FSTL4: variants seen among roughly 807,000 people sequenced by gnomAD.
The protein encoded by FSTL4 is follistatin-related protein 4.
FSTL4 carries 28 observed loss-of-function variants against 78.2 expected under a neutral mutation model. That is an observed-to-expected ratio of 0.36 (90% CI 0.27 to 0.49). The LOEUF is 0.49. FSTL4 is among the 20% of genes least tolerant of loss of function. The pLI is 0.98. For missense variants in FSTL4, 922 were observed against 1,084.9 expected, an observed-to-expected ratio of 0.85 and a Z score of 2.11; for synonymous variants, 422 against 440.5, an observed-to-expected ratio of 0.96 and a Z score of 0.53.
the FSTL4 span, among the ~76,000 whole-genome samples, chr5:133,810,076 A>G: frequency 6.6e-6 from 1 of 152,262 alleles, no homozygotes; most frequent in Non-Finnish European, 1.5e-5. Flanking sequence ...AAAGACTGCC[A>G]CATGTGCCAC....
At chr5:133,697,999 G>T in the FSTL4 span, among the ~76,000 whole-genome samples, 5 of 152,206 alleles carry the variant, frequency 3.3e-5, no homozygotes, top group African/African-American at 1.2e-4. Flanking sequence ...TTGGGTTCTA[G>T]CATTTTCTGG....
chr5:133,505,618 G>T (rs1223080214), intron 3 of FSTL4, among the ~76,000 whole-genome samples: 2 of 152,228 alleles, frequency 1.3e-5, no homozygotes, highest in African/African-American at 2.4e-5. Flanking sequence ...CCACTGGGAT[G>T]AAGATATTTT....
At chr5:133,357,690 C>T (rs1249746913) in intron 4 of FSTL4, among the ~76,000 whole-genome samples, 1 of 152,166 alleles carries the variant, frequency 6.6e-6, no homozygotes, top group Non-Finnish European at 1.5e-5. Flanking sequence ...TCTGCAGACC[C>T]AGGTTTCTTG....
chr5:133,511,528 G>A (rs1490393861), intron 3 of FSTL4, among the ~76,000 whole-genome samples: 1 of 152,174 alleles, frequency 6.6e-6, no homozygotes, highest in Non-Finnish European at 1.5e-5. Flanking sequence ...TCTAACTGGA[G>A]CAAGGGGCAC....
In FSTL4 at chr5:133,236,155, C is replaced by T. The variant is rs969576305; in HGVS notation, c.895-2618G>A. Among the ~76,000 whole-genome samples the T allele has an allele frequency of 6.6e-6, 1 of 152,174 alleles. No homozygotes were observed. The highest frequency in any genetic ancestry group is 1.5e-5 in the Non-Finnish European group (1 of 68,032). On this transcript the variant is annotated intron_variant, in intron 7 of 15. Coordinates refer to ENST00000265342, the MANE Select transcript of FSTL4 (RefSeq NM_015082.2). This position sits in a 1 kb window ranked among gnomAD's most constrained non-coding sequence, Gnocchi z 5.0. ...CTGCCTTCCTGAGCCTTCACATCCA[C>T]AGCCCCTTCTCATGATGGCCCTTGA... is the stretch of plus-strand genomic sequence containing the variant.
At chr5:133,447,022 GA>G (rs1193896678) in intron 3 of FSTL4, among the ~76,000 whole-genome samples, 2 of 152,294 alleles carry the variant, frequency 1.3e-5, no homozygotes, top group East Asian at 3.9e-4. Flanking sequence ...AGCTCTTCAG[GA>G]CCCAGGAGAC....
At chr5:133,235,373 C>A (rs184139943) in intron 7 of FSTL4, among the ~76,000 whole-genome samples, 1 of 151,908 alleles carries the variant, frequency 6.6e-6, no homozygotes, top group Non-Finnish European at 1.5e-5. Context: ...GAGGCGGGCG[C>A]CTGTAGTCCC....
At chr5:133,528,206 A>G (rs1759175379) in intron 3 of FSTL4, among the ~76,000 whole-genome samples, 1 of 152,072 alleles carries the variant, frequency 6.6e-6, no homozygotes, top group African/African-American at 2.4e-5. Flanking sequence ...CAAAGGGGGG[A>G]TTTCCCACAG....
Position 133,220,819 on chromosome 5 carries a change from T to C in FSTL4, c.1387A>G (p.Ile463Val), listed in dbSNP as rs953273634. 6.2e-7 allele frequency: 1 copy of C among 1,613,170 alleles called. No individual in the cohort carries two copies. Among genetic ancestry groups the C allele is most frequent in the Non-Finnish European group, 8.5e-7 (1 of 1,179,112 alleles). Residue 463 changes from isoleucine (I) to valine (V), a missense_variant, in exon 12 of 16, where the codon ATC (isoleucine) becomes GTC (valine). By Grantham distance (29) the Ile-to-Val change is conservative (BLOSUM62 3). Coordinates refer to ENST00000265342, the MANE Select transcript of FSTL4 (RefSeq NM_015082.2). ...TCACAGTCCACAGGATGGATGACGA[T>C]GATACCGTCGTCGGAGAAGACATAG... ...MFYVFSDDGI[I>V]VIHPVDCEIQ...
At chr5:133,673,329 G>T in the FSTL4 span, among the ~76,000 whole-genome samples, 3 of 152,202 alleles carry the variant, frequency 2.0e-5, no homozygotes, top group Non-Finnish European at 2.9e-5. Context: ...GATGCAGGAA[G>T]CTCAGCAGTC....
At position 133,225,101 on chromosome 5, in the gene FSTL4, A is replaced by G; in HGVS notation, c.1312+49T>C. ...CAATTGGTGCCCTCCCTTGCCACCCAACACCTCCCAGCCAGCTCAGTGAGA... is the reference window on the plus strand; with the variant it reads ...CAATTGGTGCCCTCCCTTGCCACCCGACACCTCCCAGCCAGCTCAGTGAGA... On this transcript the variant is annotated intron_variant, in intron 10 of 15. Transcript: ENST00000265342. This position sits in a 1 kb window ranked among gnomAD's most constrained non-coding sequence, Gnocchi z 4.6. 2 of 1,612,524 alleles carry G rather than the reference A, an allele frequency of 1.2e-6. No homozygotes were observed. Among genetic ancestry groups the G allele is most frequent in the Non-Finnish European group, 1.7e-6 (2 of 1,179,060 alleles).
chr5:133,273,315 T>A lies in FSTL4; in HGVS notation c.728-23739A>T, dbSNP rs141350167. 2.4e-3 allele frequency among the ~76,000 whole-genome samples: 370 copies of A among 152,388 alleles called. 3 individuals are homozygous for A. Among genetic ancestry groups the A allele is most frequent in the Middle Eastern group, 0.01 (3 of 294 alleles). On this transcript the variant is annotated intron_variant, in intron 6 of 15. Coordinates refer to ENST00000265342, the MANE Select transcript of FSTL4 (RefSeq NM_015082.2). Reference sequence around the variant, plus strand: ...TTACCTTCTTTTTCCACAGAAGGCTTTAAAATCTAATGTGTATTTTATACT... The same window carrying A: ...TTACCTTCTTTTTCCACAGAAGGCTATAAAATCTAATGTGTATTTTATACT...
chr5:133,279,706 C>A (rs538565800), intron 6 of FSTL4, among the ~76,000 whole-genome samples: 1 of 152,334 alleles, frequency 6.6e-6, no homozygotes, highest in South Asian at 2.1e-4. Context: ...GCAGGGGCAT[C>A]CTCCTTGGGG....
intron 3 of FSTL4, among the ~76,000 whole-genome samples, chr5:133,441,208 G>A (rs557862152): frequency 6.6e-6 from 1 of 152,296 alleles, no homozygotes; most frequent in Non-Finnish European, 1.5e-5. Context: ...GCACCTGGGA[G>A]ATGGGGCAGG....
chr5:133,454,578 T>C (rs1757446416), intron 3 of FSTL4, among the ~76,000 whole-genome samples: 1 of 152,088 alleles, frequency 6.6e-6, no homozygotes, highest in African/African-American at 2.4e-5. Flanking sequence ...GAAAGGAAAA[T>C]ATCTCTGCCC....
intron 3 of FSTL4, among the ~76,000 whole-genome samples, chr5:133,437,111 G>C (rs1471067468): frequency 6.6e-6 from 1 of 152,198 alleles, no homozygotes; most frequent in African/African-American, 2.4e-5. Context: ...AGCACTGGTT[G>C]GAGAATGGTG....
chr5:133,664,592 T>A, the FSTL4 span, among the ~76,000 whole-genome samples: 1 of 152,282 alleles, frequency 6.6e-6, no homozygotes, highest in African/African-American at 2.4e-5. Flanking sequence ...ACCCTGCAAG[T>A]CCATATATTT....
rs1028322173 is a variant in FSTL4, at chr5:133,275,264, G to A, written c.728-25688C>T. Reference sequence around the variant, plus strand: ...CGGTGACGGAGGGAAACTCTGTTATGAAGTTCAAAATGTGGCCAGGCACAG... The same window carrying A: ...CGGTGACGGAGGGAAACTCTGTTATAAAGTTCAAAATGTGGCCAGGCACAG... On this transcript the variant is annotated intron_variant, in intron 6 of 15. Coordinates refer to ENST00000265342, the MANE Select transcript of FSTL4 (RefSeq NM_015082.2). Among the ~76,000 whole-genome samples, 13 of 145,136 alleles carry A rather than the reference G, an allele frequency of 9.0e-5. 1 individual carries two copies. Among genetic ancestry groups the A allele is most frequent in the Admixed American group, 7.0e-4 (10 of 14,202 alleles).
chr5:133,437,035 A>G (rs149727603), intron 3 of FSTL4, among the ~76,000 whole-genome samples: 429 of 152,348 alleles, frequency 2.8e-3, no homozygotes, highest in African/African-American at 9.9e-3. Context: ...AAGAGGTGAC[A>G]AAGATGGCTC....
Sources: allele counts gnomAD v4.1 joint callset (sites outside exome capture counted in the v4.1 genomes callset), GRCh38; gene constraint gnomAD v4.1.1; non-coding constraint Gnocchi (gnomAD v3.1); transcripts MANE v1.5; gene names NCBI Gene and HGNC (gene_info 2026-07-23, HGNC 2026-07-21).